The following PDZRN3 variants were observed in gnomAD, a reference collection of about 807,000 sequenced individuals.
PDZRN3 encodes E3 ubiquitin-protein ligase PDZRN3.
Under a neutral mutation model 85.7 loss-of-function variants are expected in PDZRN3, and 38 were observed. That is an observed-to-expected ratio of 0.44 (90% CI 0.34 to 0.58). PDZRN3 has a LOEUF of 0.58. PDZRN3 is among the 20% of genes least tolerant of loss of function. The probability of loss-of-function intolerance (pLI) is 0.01; values close to 1 mark genes in which losing one functional copy is unlikely to be tolerated. For missense variants in PDZRN3, 1,629 were observed against 1,506.4 expected (o/e 1.08, Z -1.35); for synonymous variants, 759 against 638.0 (o/e 1.19, Z -2.86).
chr3:73,594,413 T>A (rs573789059), intron 3 of PDZRN3, among the ~76,000 whole-genome samples: 7 of 152,320 alleles, frequency 4.6e-5, no homozygotes, highest in Non-Finnish European at 8.8e-5. Flanking sequence ...TCGTATCCTG[T>A]ACAAAAATTT....
At chr3:73,549,765 T>C (rs1199593628) in intron 3 of PDZRN3, among the ~76,000 whole-genome samples, 2 of 152,232 alleles carry the variant, frequency 1.3e-5, no homozygotes, top group Admixed American at 1.3e-4. Flanking sequence ...GTACCATGTT[T>C]GTCTGAGTCA....
At chr3:73,502,269 T>TA (rs1250918618) in intron 3 of PDZRN3, among the ~76,000 whole-genome samples, 1 of 152,212 alleles carries the variant, frequency 6.6e-6, no homozygotes, top group Non-Finnish European at 1.5e-5. Context: ...GAATCAGGTA[T>TA]AAAACCTTTT....
At chr3:73,570,111 GCT>G (rs1702024325) in intron 3 of PDZRN3, among the ~76,000 whole-genome samples, 1 of 152,070 alleles carries the variant, frequency 6.6e-6, no homozygotes, top group South Asian at 2.1e-4. Flanking sequence ...TTACTGCCTG[GCT>G]CTGTCCTACT....
chr3:73,506,812 A>G (rs1704076712), intron 3 of PDZRN3, among the ~76,000 whole-genome samples: 1 of 151,910 alleles, frequency 6.6e-6, no homozygotes, highest in Non-Finnish European at 1.5e-5. Context: ...AGGTTGACGC[A>G]GGAGGATGGC....
At chr3:73,405,665 CTT>C (rs765676400) in intron 3 of PDZRN3, among the ~76,000 whole-genome samples, 3 of 152,192 alleles carry the variant, frequency 2.0e-5, no homozygotes, top group Non-Finnish European at 4.4e-5. Flanking sequence ...GTTTAAATCT[CTT>C]AGATTAATAG....
intron 3 of PDZRN3, among the ~76,000 whole-genome samples, chr3:73,597,550 C>T (rs568611341): frequency 5.9e-5 from 9 of 152,204 alleles, no homozygotes; most frequent in East Asian, 5.8e-4. Context: ...GTTTAACCCA[C>T]GCAATCACTA....
At chr3:73,574,457 T>TGGGGGGGG (rs72092693) in intron 3 of PDZRN3, among the ~76,000 whole-genome samples, 26 of 120,768 alleles carry the variant, frequency 2.2e-4, no homozygotes, top group African/African-American at 3.5e-4. Flanking sequence ...TTGGCTGGGG[T>TGGGGGGGG]GGGGGGGGTG....
intron 3 of PDZRN3, among the ~76,000 whole-genome samples, chr3:73,453,223 T>A (rs981425142): frequency 2.0e-5 from 3 of 151,962 alleles, no homozygotes; most frequent in African/African-American, 7.2e-5. Flanking sequence ...CTGGCCAACA[T>A]GGTGAAACCC....
Position 73,449,616 on chromosome 3 carries a change from C to T in PDZRN3, c.919-45221G>A, listed in dbSNP as rs965943881. ...ATCCCACGCCTCACTGTTAAATAAG[C>T]GAACAACGCGTGTAAAATTACATAG... On this transcript the variant is annotated intron_variant, in intron 3 of 9. Transcript: ENST00000263666. 8.5e-5 allele frequency among the ~76,000 whole-genome samples: 13 copies of T among 152,232 alleles called. 1 individual carries two copies. The highest frequency in any genetic ancestry group is 6.8e-3 in the Middle Eastern group (2 of 294).
rs569426915 is a variant in PDZRN3 at position 73,424,664 on chromosome 3, AAGAAGAGGAAAAATCCAACAG to A, written c.919-20290_919-20270del. On this transcript the variant is annotated intron_variant, in intron 3 of 9. Transcript: ENST00000263666. The stretch of plus-strand genomic sequence containing the variant: ...GTTTTTCCAAATCCTACAACCAGGG[AAGAAGAGGAAAAATCCAACAG>A]AGAAGAGGAAAAATCCAACAGAGAA... Among the ~76,000 whole-genome samples, 154 of 152,218 alleles carry A rather than the reference AAGAAGAGGAAAAATCCAACAG, an allele frequency of 1.0e-3. 1 individual carries two copies. Among genetic ancestry groups the A allele is most frequent in the Middle Eastern group, 6.8e-3 (2 of 294 alleles).
chr3:73,401,808 G>A (rs1475502327), intron 4 of PDZRN3: 2 of 152,210 alleles, frequency 1.3e-5, no homozygotes, highest in Admixed American at 6.5e-5. Flanking sequence ...AGTCCACGGT[G>A]CCAGATGCAA....
intron 3 of PDZRN3, among the ~76,000 whole-genome samples, chr3:73,434,209 C>G (rs1702488339): frequency 6.6e-6 from 1 of 152,200 alleles, no homozygotes; most frequent in Non-Finnish European, 1.5e-5. Flanking sequence ...TACAAATAAA[C>G]ATGACTGCAT....
At chr3:73,516,305 T>C (rs1284711239) in intron 3 of PDZRN3, among the ~76,000 whole-genome samples, 5 of 152,222 alleles carry the variant, frequency 3.3e-5, no homozygotes, top group African/African-American at 9.6e-5. Context: ...TTAATAGATA[T>C]TGCCAAAAGC....
chr3:73,523,365 T>C (rs1362310046), intron 3 of PDZRN3, among the ~76,000 whole-genome samples: 1 of 152,166 alleles, frequency 6.6e-6, no homozygotes, highest in Non-Finnish European at 1.5e-5. Flanking sequence ...ACAATTCTCA[T>C]TATTTAGAGA....
intron 3 of PDZRN3, among the ~76,000 whole-genome samples, chr3:73,541,884 T>C (rs982854385): frequency 5.9e-5 from 9 of 152,202 alleles, no homozygotes; most frequent in Admixed American, 4.6e-4. Flanking sequence ...ATGTAAATGT[T>C]TGTAAATGCT....
At chr3:73,420,621 A>G (rs1242994050) in intron 3 of PDZRN3, among the ~76,000 whole-genome samples, 2 of 152,120 alleles carry the variant, frequency 1.3e-5, no homozygotes, top group Non-Finnish European at 2.9e-5. Flanking sequence ...ACATAAGTTG[A>G]CCTTTCTGGA....
chr3:73,591,260 A>C (rs1194529127), intron 3 of PDZRN3, among the ~76,000 whole-genome samples: 2 of 152,212 alleles, frequency 1.3e-5, no homozygotes, highest in Non-Finnish European at 2.9e-5. Context: ...CAGAAATCTT[A>C]ATGTTTTTGG....
intron 3 of PDZRN3, among the ~76,000 whole-genome samples, chr3:73,589,327 A>G (rs1702321446): frequency 6.6e-6 from 1 of 152,232 alleles, no homozygotes; most frequent in African/African-American, 2.4e-5. Flanking sequence ...GGGATGGATT[A>G]TTACAAAAGG....
At chr3:73,458,944 A>ATT (rs1349830403) in intron 3 of PDZRN3, among the ~76,000 whole-genome samples, 1 of 150,332 alleles carries the variant, frequency 6.7e-6, no homozygotes, top group Admixed American at 6.7e-5. Context: ...GTGAGCCAAG[A>ATT]TTGCACCACT....
Sources: gnomAD v4.1 joint callset for allele counts (sites outside exome capture counted in the v4.1 genomes callset) on GRCh38, gnomAD v4.1.1 for gene constraint, MANE v1.5 for transcripts, NCBI Gene and HGNC (gene_info 2026-07-23, HGNC 2026-07-21) for gene names.